Variants in COL5A2 observed in about 807,000 individuals in gnomAD.
COL5A2 encodes collagen type V alpha 2 chain, also known as collagen alpha-2(V) chain.
Under a neutral mutation model 208.2 loss-of-function variants are expected in COL5A2, and 23 were observed. That is an observed-to-expected ratio of 0.11 (90% CI 0.08 to 0.16). The LOEUF is 0.16. COL5A2 is among the 10% of genes least tolerant of loss of function. The probability of loss-of-function intolerance (pLI) is 1.00; values close to 1 mark genes in which losing one functional copy is unlikely to be tolerated. For missense variants in COL5A2, 1,590 were observed against 1,956.4 expected (o/e 0.81, Z 3.53); for synonymous variants, 625 against 628.5 (o/e 0.99, Z 0.08).
intron 16 of COL5A2, among the ~76,000 whole-genome samples, chr2:189,077,618 C>T (rs1180658208): frequency 6.6e-6 from 1 of 152,162 alleles, no homozygotes; most frequent in Admixed American, 6.5e-5. Flanking sequence ...AAGCCAATAG[C>T]TGACTATATT....
At chr2:189,299,935 T>C in the COL5A2 span, among the ~76,000 whole-genome samples, 1 of 152,268 alleles carries the variant, frequency 6.6e-6, no homozygotes, top group South Asian at 2.1e-4. Context: ...ACTAGAGACT[T>C]GTGTAAGGAT....
the COL5A2 span, among the ~76,000 whole-genome samples, chr2:189,337,675 C>T: frequency 5.3e-5 from 8 of 152,102 alleles, no homozygotes; most frequent in Middle Eastern, 3.4e-3. Context: ...TACAATCTTG[C>T]AATATTATGC....
intron 29 of COL5A2, 46 bp from the exon 30 acceptor site, chr2:189,061,661 G>C: frequency 7.3e-7 from 1 of 1,372,358 alleles, no homozygotes; most frequent in Non-Finnish European, 1.0e-6. Flanking sequence ...CCAGATCTTT[G>C]TCTGCTTCCT....
chr2:189,219,882 C>G (rs866980566), intron 1 of COL5A2, among the ~76,000 whole-genome samples: 4 of 151,942 alleles, frequency 2.6e-5, no homozygotes, highest in Non-Finnish European at 5.9e-5. Context: ...TGCCCCCCCC[C>G]CACTCTTAGA....
At chr2:189,034,273 A>G (rs1457635793) in intron 53 of COL5A2, 57 bp from the exon 54 acceptor site, 11 of 1,584,476 alleles carry the variant, frequency 6.9e-6, no homozygotes, top group Non-Finnish European at 8.7e-6. Context: ...CAAGTATGTT[A>G]GACAGCAACC....
intron 1 of COL5A2, among the ~76,000 whole-genome samples, chr2:189,211,283 C>T (rs367589786): frequency 6.6e-6 from 1 of 152,124 alleles, no homozygotes; most frequent in Non-Finnish European, 1.5e-5. Flanking sequence ...CCTATAATGA[C>T]GTTCACTAAA....
the COL5A2 span, among the ~76,000 whole-genome samples, chr2:189,254,839 C>G: frequency 6.6e-6 from 1 of 152,192 alleles, no homozygotes; most frequent in African/African-American, 2.4e-5. Context: ...ATTTCTTGCT[C>G]AACCTAGGAA....
the COL5A2 span, among the ~76,000 whole-genome samples, chr2:189,309,613 C>T: frequency 2.6e-5 from 4 of 152,136 alleles, no homozygotes; most frequent in Non-Finnish European, 5.9e-5. Flanking sequence ...CCTTTTGTTC[C>T]TGCTCTAAAT....
At chr2:189,225,339 A>T (rs1315880321), upstream of COL5A2, among the ~76,000 whole-genome samples, 4 of 152,178 alleles carry the variant, frequency 2.6e-5, no homozygotes, top group African/African-American at 9.7e-5. Context: ...GTTCCTAATG[A>T]GGTAAAAATA....
At chr2:189,276,336 A>G in the COL5A2 span, among the ~76,000 whole-genome samples, 1 of 152,192 alleles carries the variant, frequency 6.6e-6, no homozygotes, top group African/African-American at 2.4e-5. Flanking sequence ...CACTATGTGT[A>G]ATAACCACCA....
At chr2:189,338,916 A>C in the COL5A2 span, among the ~76,000 whole-genome samples, 3 of 152,030 alleles carry the variant, frequency 2.0e-5, no homozygotes, top group Admixed American at 2.0e-4. Flanking sequence ...CTATTCCCTC[A>C]AACTTGCTAT....
In COL5A2 at chr2:189,078,555, C is replaced by T. The variant is rs765322081; in HGVS notation, c.1020G>A (p.Met340Ile). ...GCCCAAGTCTCCCTCTCTCTCCTGG[C>T]ATTCCCCTCGGACCCTATAGACGAT... ...GAMGPLGPRGMPGERGRLGPQ... is the reference protein window; with the variant it reads ...GAMGPLGPRGIPGERGRLGPQ... The change falls in exon 16 of 54, where the codon ATG becomes ATA. Residue 340 changes from methionine (M) to isoleucine (I), a missense_variant. Physicochemically the swap from Met to Ile is conservative, Grantham distance 10. Coordinates refer to ENST00000374866, the MANE Select transcript of COL5A2 (RefSeq NM_000393.5). 9.9e-6 allele frequency: 16 copies of T among 1,612,588 alleles called. No homozygotes were observed. The South Asian group carries it at 1.8e-4, about 18-fold the overall frequency.
intron 42 of COL5A2, 23 bp from the exon 43 acceptor site, chr2:189,050,699 A>C (rs1404885361): frequency 1.3e-6 from 2 of 1,525,184 alleles, no homozygotes; most frequent in African/African-American, 2.8e-5. Context: ...ACAAACTAAA[A>C]TCAGAAACTA....
At chr2:189,183,784 A>G (rs1336609943), upstream of COL5A2, among the ~76,000 whole-genome samples, 1 of 152,132 alleles carries the variant, frequency 6.6e-6, no homozygotes, top group Non-Finnish European at 1.5e-5. Flanking sequence ...TGAGTTTAAG[A>G]TAATAATAAT....
At chr2:189,427,450 G>A in the COL5A2 span, among the ~76,000 whole-genome samples, 1 of 152,246 alleles carries the variant, frequency 6.6e-6, no homozygotes, top group African/African-American at 2.4e-5. Flanking sequence ...CAATGCAGAA[G>A]GAAAATGTGG....
Position 189,045,696 on chromosome 2 carries a change from T to C in COL5A2, c.3309+104A>G. ...TTTACCATTCATTATTTAGAGTCCT[T>C]AACGAAGTGCACATGTATGACTATG... is the stretch of plus-strand genomic sequence containing the variant. On this transcript the variant is annotated intron_variant, in intron 46 of 53. Coordinates refer to ENST00000374866, the MANE Select transcript of COL5A2 (RefSeq NM_000393.5). The C allele has an allele frequency of 8.9e-6, 8 of 899,714 alleles. No homozygotes were observed. The South Asian group carries it at 1.1e-4, about 12-fold the overall frequency. 55.7% of individuals were successfully genotyped at this position (899,714 alleles called of 1,614,324 possible).
chr2:189,052,721 T>C (rs1685816744), intron 40 of COL5A2, 28 bp downstream of exon 40: 1 of 1,606,412 alleles, frequency 6.2e-7, no homozygotes, highest in Non-Finnish European at 8.5e-7. Context: ...TAGCTGTGCA[T>C]ACTTTGCAGA....
intron 1 of COL5A2, among the ~76,000 whole-genome samples, chr2:189,121,194 C>T (rs181562884): frequency 1.9e-4 from 29 of 151,596 alleles, no homozygotes; most frequent in African/African-American, 6.8e-4. Context: ...TCCTTATTTC[C>T]TTTCTTTAAT....
At chr2:189,368,406 C>T in the COL5A2 span, among the ~76,000 whole-genome samples, 2 of 151,916 alleles carry the variant, frequency 1.3e-5, no homozygotes, top group African/African-American at 2.4e-5. Context: ...CAACATACAT[C>T]GGATAGTAAA....
Sources: gnomAD v4.1 joint callset for allele counts (sites outside exome capture counted in the v4.1 genomes callset) on GRCh38, gnomAD v4.1.1 for gene constraint, MANE v1.5 for transcripts, NCBI Gene and HGNC (gene_info 2026-07-23, HGNC 2026-07-21) for gene names.